ZNF90: variants seen among roughly 807,000 people sequenced by gnomAD.
ZNF90 encodes zinc finger protein 90.
ZNF90 carries 11 observed loss-of-function variants against 12.0 expected under a neutral mutation model. The ratio of observed to expected loss-of-function variants is 0.92; its 90% CI spans 0.58 to 1.52. The LOEUF (loss-of-function observed/expected upper bound fraction) is 1.52. Among genes scored for constraint, ZNF90 ranks in the 40% most tolerant of loss-of-function variants. ZNF90 has a pLI of 0.00. For synonymous variants in ZNF90, 232 were observed against 240.1 expected (o/e 0.97, Z 0.31); for missense variants, 765 against 711.5 (o/e 1.08, Z -0.86).
At chr19:20,111,696 T>A (rs1239317240) in intron 3 of ZNF90, among the ~76,000 whole-genome samples, 1 of 152,176 alleles carries the variant, frequency 6.6e-6, no homozygotes, top group Non-Finnish European at 1.5e-5. Flanking sequence ...ATAAATTTTA[T>A]CTTTGTAATC....
intron 1 of ZNF90, chr19:20,086,899 A>G (rs2088863792): frequency 6.6e-6 from 1 of 152,228 alleles, no homozygotes; most frequent in African/African-American, 2.4e-5. Flanking sequence ...CTATTACAGG[A>G]CAAATAAAGA....
chr19:20,078,177 G>C lies in ZNF90; in HGVS notation c.3+42G>C. On this transcript the variant is annotated intron_variant, in intron 1 of 3. Transcript: ENST00000418063. Reference sequence around the variant, plus strand: ...AGCATTCCGAGAGAGGGGAGGGACTGGTTGGAACCGATGGGAAGTGGCTGT... The same window carrying C: ...AGCATTCCGAGAGAGGGGAGGGACTCGTTGGAACCGATGGGAAGTGGCTGT... 5 of 1,613,696 alleles carry C rather than the reference G, an allele frequency of 3.1e-6. No individual in the cohort carries two copies. In the East Asian group the frequency reaches 1.1e-4, roughly 36 times the overall value.
intron 1 of ZNF90, among the ~76,000 whole-genome samples, chr19:20,080,976 G>A (rs186039152): frequency 6.6e-6 from 1 of 152,320 alleles, no homozygotes; most frequent in Admixed American, 6.5e-5. Context: ...TACACAGGCT[G>A]TCACACTGCC....
Position 20,118,913 on chromosome 19 carries a change from C to CA in ZNF90, c.1362dup (p.Cys455MetfsTer2), listed in dbSNP as rs782569610. The CA allele has an allele frequency of 8.7e-6, 14 of 1,613,284 alleles. No individual in the cohort carries two copies. The highest frequency in any genetic ancestry group is 1.2e-5 in the Non-Finnish European group (14 of 1,179,698). On this transcript the variant is annotated frameshift_variant, in exon 4 of 4. Coordinates refer to ENST00000418063, the MANE Select transcript of ZNF90 (RefSeq NM_007138.2). LOFTEE classifies it low-confidence loss of function (END_TRUNC). ...TAATTCATAGTGGAGAGAAACCCTA[C>CA]AAATGTGAAGAATGTGGCAAAGCCT...
intron 1 of ZNF90, among the ~76,000 whole-genome samples, chr19:20,082,608 A>C (rs956655981): frequency 2.0e-5 from 3 of 152,182 alleles, no homozygotes; most frequent in African/African-American, 4.8e-5. Context: ...CCTAATCTCA[A>C]GTGCCCAGGG....
intron 1 of ZNF90, among the ~76,000 whole-genome samples, chr19:20,092,917 G>A (rs567524652): frequency 1.7e-4 from 26 of 152,254 alleles, no homozygotes; most frequent in African/African-American, 5.1e-4. Flanking sequence ...GGTGAGAAGC[G>A]GAGGGGTGGA....
rs1555704287 is a variant in ZNF90 at position 20,105,292 on chromosome 19, CATGAG to C, written c.207_211del (p.Glu69AspfsTer34). 6.2e-7 allele frequency: 1 copy of C among 1,607,230 alleles called. No homozygotes were observed. The highest frequency in any genetic ancestry group is 2.2e-5 in the East Asian group (1 of 44,570). ...AAAAAAACCCTTCACTGTGAAGAGA[CATGAG>C]ATGATTGCCAAATCCCCAGGTAGGT... On this transcript the variant is annotated frameshift_variant, in exon 3 of 4. Coordinates refer to ENST00000418063, the MANE Select transcript of ZNF90 (RefSeq NM_007138.2). LOFTEE classifies it low-confidence loss of function (END_TRUNC).
chr19:20,081,696 G>A (rs998816647), intron 1 of ZNF90, among the ~76,000 whole-genome samples: 3 of 152,084 alleles, frequency 2.0e-5, no homozygotes, highest in Non-Finnish European at 1.5e-5. Context: ...TATCTGTAGC[G>A]AAAATCAGTC....
intron 3 of ZNF90, among the ~76,000 whole-genome samples, chr19:20,109,488 TATA>T (rs1405874146): frequency 3.9e-5 from 6 of 152,322 alleles, no homozygotes; most frequent in African/African-American, 1.4e-4. Flanking sequence ...CAGAAAGATG[TATA>T]ATTCTGGATT....
intron 3 of ZNF90, among the ~76,000 whole-genome samples, chr19:20,114,106 C>G (rs1411396258): frequency 1.3e-5 from 2 of 152,096 alleles, no homozygotes; most frequent in Non-Finnish European, 2.9e-5. Context: ...TCCTGGCCAC[C>G]ATGGGGAAAC....
At chr19:20,117,091 G>A (rs2122528607) in intron 3 of ZNF90, among the ~76,000 whole-genome samples, 1 of 149,824 alleles carries the variant, frequency 6.7e-6, no homozygotes, top group South Asian at 2.1e-4. Flanking sequence ...TCCCTATGCT[G>A]AAGTGCACTG....
rs117169763 is a variant in ZNF90, at chr19:20,100,815, A to C, written c.4-3424A>C. On this transcript the variant is annotated intron_variant, in intron 1 of 3. Coordinates refer to ENST00000418063, the MANE Select transcript of ZNF90 (RefSeq NM_007138.2). Reference sequence around the variant, plus strand: ...TTGTAACTCAGCTCACATCTGACAAATCAGGTAGTAAAGAGAGCTCACGAA... The same window carrying C: ...TTGTAACTCAGCTCACATCTGACAACTCAGGTAGTAAAGAGAGCTCACGAA... 2.8e-4 allele frequency among the ~76,000 whole-genome samples: 43 copies of C among 152,292 alleles called. No homozygotes were observed. The East Asian group carries it at 8.3e-3, about 29-fold the overall frequency.
chr19:20,080,015 A>G, intron 1 of ZNF90: 1 of 317,252 alleles, frequency 3.2e-6, no homozygotes, highest in Non-Finnish European at 6.1e-6. Context: ...GGCTCACTGC[A>G]ACCTCCGCCT....
chr19:20,080,160 TCAG>T (rs1234211168), intron 1 of ZNF90: 3 of 439,000 alleles, frequency 6.8e-6, no homozygotes, highest in Non-Finnish European at 1.3e-5. Context: ...GAATTGCAGG[TCAG>T]CAAGAATTGC....
In ZNF90 at chr19:20,117,437, T is replaced by TTCCTTCCC. The variant is rs1555705812; in HGVS notation, c.227-341_227-340insTTCCCTCC. 43 of 147,712 alleles carry TTCCTTCCC rather than the reference T, an allele frequency of 2.9e-4. 1 individual carries two copies. Among genetic ancestry groups the TTCCTTCCC allele is most frequent in the African/African-American group, 1.0e-3 (40 of 38,726 alleles). The allele number at this position is 147,712 out of a possible 1,614,324, so 9.2% of individuals were successfully genotyped here. On this transcript the variant is annotated intron_variant, in intron 3 of 3. Transcript: ENST00000418063. ...CTTCCTTCCTTTCTTCCTTCCCTCC[T>TTCCTTCCC]TCCCTCCCTCCCTCCCTCCTTCCTT...
chr19:20,088,892 C>G (rs1228755161), intron 1 of ZNF90, among the ~76,000 whole-genome samples: 1 of 152,118 alleles, frequency 6.6e-6, no homozygotes, highest in East Asian at 1.9e-4. Context: ...TGGAAGAACT[C>G]TTTTTTGTCA....
chr19:20,100,595 G>C (rs2088981512), intron 1 of ZNF90, among the ~76,000 whole-genome samples: 1 of 152,136 alleles, frequency 6.6e-6, no homozygotes, highest in Non-Finnish European at 1.5e-5. Context: ...AATCTCAACT[G>C]CATGACCCCT....
chr19:20,117,805 A>T lies in ZNF90; in HGVS notation c.251A>T (p.Asp84Val). ...GTTATGTGTTTTCATTTTGCCCAAG[A>T]CCTTTGTCCAGAGCAGAGCCTAAAA... ...SPVMCFHFAQ[D>V]LCPEQSLKDS... Residue 84 changes from aspartate (D) to valine (V), a missense_variant, in exon 4 of 4, where the codon GAC becomes GTC. By Grantham distance (152) the Asp-to-Val change is radical (BLOSUM62 -3). Coordinates refer to ENST00000418063, the MANE Select transcript of ZNF90 (RefSeq NM_007138.2). 6.5e-7 allele frequency: 1 copy of T among 1,545,218 alleles called. No individual in the cohort carries two copies. Among genetic ancestry groups the T allele is most frequent in the South Asian group, 1.3e-5 (1 of 78,890 alleles).
intron 1 of ZNF90, among the ~76,000 whole-genome samples, chr19:20,101,797 G>A (rs1223627388): frequency 1.3e-5 from 2 of 152,170 alleles, no homozygotes; most frequent in Non-Finnish European, 2.9e-5. Flanking sequence ...AGGTAAACAT[G>A]TCTCAGATGC....
Sources: allele counts gnomAD v4.1 joint callset (sites outside exome capture counted in the v4.1 genomes callset), GRCh38; gene constraint gnomAD v4.1.1; transcripts MANE v1.5; gene names NCBI Gene and HGNC (gene_info 2026-07-23, HGNC 2026-07-21).